The following RHOBTB3 variants were observed in gnomAD, a reference collection of about 807,000 sequenced individuals.
RHOBTB3 encodes the protein rho-related BTB domain-containing protein 3.
A neutral mutation model predicts 67.2 loss-of-function variants in RHOBTB3; 47 were observed. That is an observed-to-expected ratio of 0.70 (90% CI 0.55 to 0.89). RHOBTB3 has a LOEUF of 0.89. RHOBTB3 is among the 40% of genes least tolerant of loss of function. The pLI is 0.00. For synonymous variants in RHOBTB3, 273 were observed against 274.2 expected, an observed-to-expected ratio of 1.00 and a Z score of 0.04; for missense variants, 631 against 750.0, an observed-to-expected ratio of 0.84 and a Z score of 1.85.
intron 1 of RHOBTB3, among the ~76,000 whole-genome samples, chr5:95,725,152 G>A (rs901475927): frequency 1.1e-4 from 17 of 152,172 alleles, no homozygotes; most frequent in African/African-American, 3.9e-4. Flanking sequence ...TAGCCCACGA[G>A]TGTATCTACA....
Position 95,794,087 on chromosome 5 carries a change from C to T in RHOBTB3, c.*913C>T, listed in dbSNP as rs1746500237. ...GGGAAGAGAACATAGTGAAGATTCC[C>T]GCCTTTGGGGAGGTCTGGACCACCC... is the stretch of plus-strand genomic sequence containing the variant. On this transcript the variant is annotated 3_prime_UTR_variant, in exon 12 of 12. Transcript: ENST00000379982. 1.5e-5 allele frequency: 7 copies of T among 455,428 alleles called. No individual in the cohort carries two copies. Among genetic ancestry groups the T allele is most frequent in the Admixed American group, 2.4e-5 (1 of 42,446 alleles). 28.2% of individuals were successfully genotyped at this position (455,428 alleles called of 1,614,324 possible). A position where few individuals can be genotyped will look rare whatever the true frequency, so the allele number is the denominator to read the frequency against.
At chr5:95,768,795 T>C (rs1401379492) in intron 8 of RHOBTB3, among the ~76,000 whole-genome samples, 2 of 152,236 alleles carry the variant, frequency 1.3e-5, no homozygotes, top group African/African-American at 4.8e-5. Flanking sequence ...GTGCCCATTA[T>C]TGATCACTGG....
intron 6 of RHOBTB3, among the ~76,000 whole-genome samples, chr5:95,760,326 A>C (rs1212590776): frequency 6.6e-6 from 1 of 152,218 alleles, no homozygotes; most frequent in Non-Finnish European, 1.5e-5. Flanking sequence ...ATACAATTGT[A>C]ACATTCTTAT....
intron 4 of RHOBTB3, 60 bp from the exon 5 acceptor site, chr5:95,752,178 AT>A (rs750837622): frequency 1.1e-5 from 11 of 1,036,844 alleles, no homozygotes; most frequent in Non-Finnish European, 1.5e-6. Context: ...TCAGATGCAA[AT>A]TTTCATGTTG....
Position 95,794,083 on chromosome 5 carries a change from T to G in RHOBTB3, c.*909T>G. Reference sequence around the variant, plus strand: ...CGGAGGGAAGAGAACATAGTGAAGATTCCCGCCTTTGGGGAGGTCTGGACC... The same window carrying G: ...CGGAGGGAAGAGAACATAGTGAAGAGTCCCGCCTTTGGGGAGGTCTGGACC... On this transcript the variant is annotated 3_prime_UTR_variant, in exon 12 of 12. Coordinates refer to ENST00000379982, the MANE Select transcript of RHOBTB3 (RefSeq NM_014899.4). 1 of 455,714 alleles carries G rather than the reference T, an allele frequency of 2.2e-6. No homozygotes were observed. The allele number at this position is 455,714 out of a possible 1,614,324, so 28.2% of individuals were successfully genotyped here. A position where few individuals can be genotyped will look rare whatever the true frequency, so the allele number is the denominator to read the frequency against.
chr5:95,766,131 A>G (rs2112812013), intron 7 of RHOBTB3, among the ~76,000 whole-genome samples: 1 of 152,010 alleles, frequency 6.6e-6, no homozygotes, highest in Non-Finnish European at 1.5e-5. Flanking sequence ...GCTTATGGAT[A>G]CCATTCTGGA....
chr5:95,764,647 A>G (rs6894297), intron 7 of RHOBTB3, among the ~76,000 whole-genome samples: 78,004 of 152,050 alleles, frequency 0.51, 20,655 homozygotes, highest in Admixed American at 0.59. Flanking sequence ...GTTATATGCA[A>G]TACTTAGCGG....
At chr5:95,767,781 C>T in intron 7 of RHOBTB3, 1 of 701,572 alleles carries the variant, frequency 1.4e-6, no homozygotes. Flanking sequence ...CAGGACCTTG[C>T]AGCTTCTCAG....
At chr5:95,790,220 ACAGT>A (rs989935328) in intron 11 of RHOBTB3, among the ~76,000 whole-genome samples, 27 of 152,352 alleles carry the variant, frequency 1.8e-4, no homozygotes, top group Non-Finnish European at 2.2e-4. Context: ...CAAGGAAAAA[ACAGT>A]CAGTTCATAA....
At chr5:95,785,511 G>A (rs1288745471) in intron 10 of RHOBTB3, among the ~76,000 whole-genome samples, 2 of 151,470 alleles carry the variant, frequency 1.3e-5, no homozygotes, top group Admixed American at 6.6e-5. Flanking sequence ...GGAGAATGGC[G>A]TGAACCCTGG....
Position 95,741,598 on chromosome 5 carries a change from A to G in RHOBTB3, c.415+4523A>G, listed in dbSNP as rs571102502. On this transcript the variant is annotated intron_variant, in intron 3 of 11. Coordinates refer to ENST00000379982, the MANE Select transcript of RHOBTB3 (RefSeq NM_014899.4). The stretch of plus-strand genomic sequence containing the variant: ...GCTGGTCTGAACTCGGGCCTAAGCA[A>G]TCCTCCTGCCACAGGCTCCCAAGTA... 7.5e-5 allele frequency among the ~76,000 whole-genome samples: 11 copies of G among 145,904 alleles called. No homozygotes were observed. In the East Asian group the frequency reaches 1.0e-3, roughly 13 times the overall value.
intron 3 of RHOBTB3, among the ~76,000 whole-genome samples, chr5:95,741,327 A>G (rs1350137561): frequency 1.4e-5 from 2 of 141,432 alleles, no homozygotes; most frequent in Admixed American, 7.0e-5. Flanking sequence ...GACTCTGACT[A>G]AAAAAAAAAA....
intron 6 of RHOBTB3, among the ~76,000 whole-genome samples, chr5:95,760,355 A>G (rs1745363123): frequency 6.6e-6 from 1 of 152,226 alleles, no homozygotes; most frequent in Non-Finnish European, 1.5e-5. Flanking sequence ...ATACAGTGTT[A>G]TGGTTGCACA....
chr5:95,741,355 A>G (rs1196657005), intron 3 of RHOBTB3, among the ~76,000 whole-genome samples: 1 of 151,180 alleles, frequency 6.6e-6, no homozygotes, highest in Non-Finnish European at 1.5e-5. Context: ...GAAAAAAAAA[A>G]GAGATAGAAT....
At chr5:95,760,924 GACT>G (rs1449397060) in intron 6 of RHOBTB3, among the ~76,000 whole-genome samples, 2 of 152,194 alleles carry the variant, frequency 1.3e-5, no homozygotes, top group Non-Finnish European at 2.9e-5. Flanking sequence ...TCTCAAAGAT[GACT>G]TGATTAATGT....
At chr5:95,745,267 A>T (rs1241603702) in intron 3 of RHOBTB3, among the ~76,000 whole-genome samples, 1 of 111,090 alleles carries the variant, frequency 9.0e-6, no homozygotes, top group Non-Finnish European at 1.9e-5. Flanking sequence ...AAAAGAATTC[A>T]GCCAAGTATA....
At chr5:95,782,335 A>G (rs1403242773) in intron 9 of RHOBTB3, 2 of 152,238 alleles carry the variant, frequency 1.3e-5, no homozygotes, top group Non-Finnish European at 2.9e-5. Context: ...GAAGTATTGA[A>G]AAAACCCCCA....
intron 11 of RHOBTB3, among the ~76,000 whole-genome samples, chr5:95,792,791 CAAA>C (rs768296765): frequency 1.0e-4 from 7 of 69,648 alleles, no homozygotes; most frequent in Non-Finnish European, 8.7e-5. Flanking sequence ...GACTCCATCT[CAAA>C]AAAAAAAAAA....
chr5:95,741,158 C>T (rs544474658), intron 3 of RHOBTB3, among the ~76,000 whole-genome samples: 1 of 152,018 alleles, frequency 6.6e-6, no homozygotes, highest in South Asian at 2.1e-4. Flanking sequence ...GAAACCCGGT[C>T]TCTACTAAAA....
Sources: gnomAD v4.1 joint callset for allele counts (sites outside exome capture counted in the v4.1 genomes callset) on GRCh38, gnomAD v4.1.1 for gene constraint, MANE v1.5 for transcripts, NCBI Gene and HGNC (gene_info 2026-07-23, HGNC 2026-07-21) for gene names.